Variants in TRERF1 observed in about 807,000 individuals in gnomAD.
TRERF1 encodes the protein transcriptional regulating factor 1, also known as transcriptional-regulating factor 1.
TRERF1 carries 27 observed loss-of-function variants against 122.9 expected under a neutral mutation model. The ratio of observed to expected loss-of-function variants is 0.22; its 90% CI spans 0.16 to 0.30. TRERF1 has a LOEUF of 0.30. Ranked by LOEUF, TRERF1 falls within the 10% of genes least tolerant of loss-of-function variation. TRERF1 has a pLI of 1.00. For synonymous variants in TRERF1, 636 were observed against 641.7 expected, an observed-to-expected ratio of 0.99 and a Z score of 0.13; for missense variants, 1,248 against 1,560.3, an observed-to-expected ratio of 0.80 and a Z score of 3.37.
At position 42,320,247 on chromosome 6, in the gene TRERF1, A is replaced by G. The variant is rs192902109; in HGVS notation, c.-370-19498T>C. Among the ~76,000 whole-genome samples the G allele has an allele frequency of 7.4e-4, 113 of 152,158 alleles. 1 individual carries two copies. The highest frequency in any genetic ancestry group is 2.6e-3 in the African/African-American group (108 of 41,526). Reference sequence around the variant, plus strand: ...TATATGTCTATTCAATCAAACTTTTAATCCTAAATATACTCCTTTAGGGTT... The same window carrying G: ...TATATGTCTATTCAATCAAACTTTTGATCCTAAATATACTCCTTTAGGGTT... On this transcript the variant is annotated intron_variant, in intron 3 of 17. Transcript: ENST00000372922.
rs559695990 is a variant in TRERF1 at position 42,352,587 on chromosome 6, GA to G, written c.-371+10409del. ...TGTAGAAAATTACAAGGGCTCAAAGGAAAAAAAATCTAGACGTACAACCTTT... is the reference window on the plus strand; with the variant it reads ...TGTAGAAAATTACAAGGGCTCAAAGGAAAAAAATCTAGACGTACAACCTTT... On this transcript the variant is annotated intron_variant, in intron 3 of 17. Transcript: ENST00000372922. 7.3e-5 allele frequency among the ~76,000 whole-genome samples: 11 copies of G among 151,680 alleles called. 1 individual carries two copies. Among genetic ancestry groups the G allele is most frequent in the Admixed American group, 7.2e-4 (11 of 15,252 alleles).
At chr6:42,417,936 C>T (rs1036884102) in intron 2 of TRERF1, among the ~76,000 whole-genome samples, 4 of 152,216 alleles carry the variant, frequency 2.6e-5, no homozygotes, top group Non-Finnish European at 5.9e-5. Flanking sequence ...CACACACATA[C>T]AATTCCAGGC....
At chr6:42,257,417 T>C (rs1198833117) in intron 10 of TRERF1, among the ~76,000 whole-genome samples, 1 of 152,222 alleles carries the variant, frequency 6.6e-6, no homozygotes, top group Non-Finnish European at 1.5e-5. Context: ...AATGGTGCCA[T>C]TTAACAACAC....
chr6:42,432,842 CA>C (rs10557615), intron 2 of TRERF1, among the ~76,000 whole-genome samples: 53,939 of 110,334 alleles, frequency 0.49, 11,114 homozygotes, highest in Non-Finnish European at 0.55. Flanking sequence ...GACTCTGTCT[CA>C]AAAAAAAAAA....
Position 42,263,629 on chromosome 6 carries a change from C to G in TRERF1, c.1636-61G>C. 1 of 1,412,142 alleles carries G rather than the reference C, an allele frequency of 7.1e-7. No individual in the cohort carries two copies. The highest frequency in any genetic ancestry group is 9.3e-7 in the Non-Finnish European group (1 of 1,077,086). 87.5% of individuals were successfully genotyped at this position (1,412,142 alleles called of 1,614,324 possible). On this transcript the variant is annotated intron_variant, in intron 7 of 17. Coordinates refer to ENST00000372922, the Ensembl canonical transcript of TRERF1. The surrounding 1 kb of genome is among the most constrained non-coding windows in gnomAD (Gnocchi z 5.6). ...GAGCAGCTCTCACAAGGGGGATGCA[C>G]TTTGCTTTTCCCGAAAGGTTCCAGG...
In TRERF1 at chr6:42,336,345, G is replaced by A. The variant is rs180896352; in HGVS notation, c.-371+26652C>T. ...TAACCTGCCATGCACCACCATCCCC[G>A]ACCATCATGCCTCATCCCCTGGGTC... On this transcript the variant is annotated intron_variant, in intron 3 of 17. Coordinates refer to ENST00000372922, the Ensembl canonical transcript of TRERF1. Among the ~76,000 whole-genome samples the A allele has an allele frequency of 3.9e-3, 599 of 152,090 alleles. 2 individuals are homozygous for A. The highest frequency in any genetic ancestry group is 5.6e-3 in the Admixed American group (85 of 15,272).
At chr6:42,322,255 T>C (rs138638378) in intron 3 of TRERF1, among the ~76,000 whole-genome samples, 95 of 152,200 alleles carry the variant, frequency 6.2e-4, no homozygotes, top group African/African-American at 2.3e-3. Context: ...GGAGTTAAGT[T>C]GTTATCTATC....
At chr6:42,290,006 G>A (rs1784022967) in intron 4 of TRERF1, among the ~76,000 whole-genome samples, 1 of 152,146 alleles carries the variant, frequency 6.6e-6, no homozygotes, top group Non-Finnish European at 1.5e-5. Flanking sequence ...TTCACATGGA[G>A]ACCTCAACAG....
At chr6:42,357,792 T>C (rs1770883715) in intron 3 of TRERF1, among the ~76,000 whole-genome samples, 1 of 152,212 alleles carries the variant, frequency 6.6e-6, no homozygotes, top group South Asian at 2.1e-4. Flanking sequence ...AGTGTGTTTG[T>C]GGCAAAGCCA....
At chr6:42,394,482 C>A (rs763818545) in intron 2 of TRERF1, among the ~76,000 whole-genome samples, 13 of 152,164 alleles carry the variant, frequency 8.5e-5, no homozygotes, top group Non-Finnish European at 1.5e-4. Flanking sequence ...CATTCTAATA[C>A]CTAGTCATTG....
chr6:42,382,825 G>C (rs1323991916), intron 2 of TRERF1, among the ~76,000 whole-genome samples: 2 of 151,954 alleles, frequency 1.3e-5, no homozygotes, highest in Non-Finnish European at 2.9e-5. Context: ...TAGCATCCCT[G>C]GCCTCCACCC....
chr6:42,326,404 T>C (rs931527029), intron 3 of TRERF1, among the ~76,000 whole-genome samples: 3 of 152,220 alleles, frequency 2.0e-5, no homozygotes, highest in African/African-American at 7.2e-5. Context: ...TTTATCACTC[T>C]GCAAATATTT....
chr6:42,408,141 T>G (rs1216896669), intron 2 of TRERF1, among the ~76,000 whole-genome samples: 3 of 151,138 alleles, frequency 2.0e-5, no homozygotes, highest in Admixed American at 6.6e-5. Context: ...TGCTTAACTT[T>G]GATAACATGT....
At chr6:42,424,521 C>T (rs1020884678) in intron 2 of TRERF1, among the ~76,000 whole-genome samples, 1 of 150,748 alleles carries the variant, frequency 6.6e-6, no homozygotes, top group Non-Finnish European at 1.5e-5. Context: ...TTCCAAAATC[C>T]AAAAAAAAAT....
At chr6:42,243,748 T>G (rs987935495) in intron 14 of TRERF1, among the ~76,000 whole-genome samples, 2 of 151,474 alleles carry the variant, frequency 1.3e-5, no homozygotes, top group Non-Finnish European at 2.9e-5. Flanking sequence ...GCCCGGCTAA[T>G]TTTTTGTATT....
At chr6:42,409,868 AACAGGCTCTTTATCCT>A (rs1780852539) in intron 2 of TRERF1, among the ~76,000 whole-genome samples, 2 of 152,246 alleles carry the variant, frequency 1.3e-5, no homozygotes, top group South Asian at 4.1e-4. Flanking sequence ...GTTATACACA[AACAGGCTCTTTATCCT>A]ACATAGGGGT....
chr6:42,277,917 AGAAG>A (rs1781517437), intron 4 of TRERF1, among the ~76,000 whole-genome samples: 1 of 105,942 alleles, frequency 9.4e-6, no homozygotes, highest in Admixed American at 9.8e-5. Context: ...AAGAAGAAGA[AGAAG>A]AAGAAGAAGA....
intron 3 of TRERF1, among the ~76,000 whole-genome samples, chr6:42,301,050 T>C (rs184443633): frequency 3.5e-4 from 53 of 151,970 alleles, no homozygotes; most frequent in Middle Eastern, 3.4e-3. Context: ...CAGAGAGATA[T>C]AGAGAGACAG....
intron 1 of TRERF1, among the ~76,000 whole-genome samples, 158 bp from the exon 2 acceptor site, chr6:42,451,419 T>TC (rs1324837291): frequency 5.3e-4 from 80 of 149,860 alleles, no homozygotes; most frequent in Non-Finnish European, 9.9e-4. Context: ...TGGCCCCTCG[T>TC]CCCCCCGACA....
Sources: allele counts gnomAD v4.1 joint callset (sites outside exome capture counted in the v4.1 genomes callset), GRCh38; gene constraint gnomAD v4.1.1; non-coding constraint Gnocchi (gnomAD v3.1); transcripts MANE v1.5; gene names NCBI Gene and HGNC (gene_info 2026-07-23, HGNC 2026-07-21).